The following TK2 variants were observed in gnomAD, a reference collection of about 807,000 sequenced individuals.
TK2 encodes the protein thymidine kinase 2, mitochondrial.
Under a neutral mutation model 41.9 loss-of-function variants are expected in TK2, and 35 were observed. The ratio of observed to expected loss-of-function variants is 0.84; its 90% confidence interval spans 0.64 to 1.11. The LOEUF is 1.11. Among genes scored for constraint, TK2 ranks in the 50% least tolerant of loss-of-function variants. TK2 has a pLI of 0.00. For missense variants in TK2, 320 were observed against 351.1 expected, an observed-to-expected ratio of 0.91 and a Z score of 0.71; for synonymous variants, 128 against 129.1, an observed-to-expected ratio of 0.99 and a Z score of 0.06.
chr16:66,548,215 T>A, intron 2 of TK2: 1 of 375,388 alleles, frequency 2.7e-6, no homozygotes, highest in East Asian at 7.4e-5. Flanking sequence ...CTCTATGTGG[T>A]TTCACTACTT....
At position 66,549,923 on chromosome 16, in the gene TK2, C is replaced by T. The variant is rs1965737050; in HGVS notation, c.124+15G>A. The T allele has an allele frequency of 1.7e-5, 23 of 1,352,544 alleles. No individual in the cohort carries two copies. The highest frequency in any genetic ancestry group is 2.1e-5 in the Non-Finnish European group (22 of 1,061,538). The allele number at this position is 1,352,544 out of a possible 1,614,324, so 83.8% of individuals were successfully genotyped here. On this transcript the variant is annotated intron_variant, in intron 1 of 9. Transcript: ENST00000544898. ...CATAGGGGCTCCTGGGAGGCGGGAC[C>T]AAGACGCGCGTTACCGGGAGGCCAG...
intron 3 of TK2, among the ~76,000 whole-genome samples, chr16:66,540,671 T>C (rs773650693): frequency 7.2e-5 from 11 of 152,222 alleles, no homozygotes; most frequent in Non-Finnish European, 1.3e-4. Flanking sequence ...TCTCTGAGGT[T>C]AGTTTTAGTG....
chr16:66,520,880 ACT>A (rs1489676712), intron 6 of TK2, among the ~76,000 whole-genome samples: 6 of 152,134 alleles, frequency 3.9e-5, no homozygotes, highest in Admixed American at 1.3e-4. Context: ...AACAAAATTG[ACT>A]CTAAGAAAAT....
intron 2 of TK2, chr16:66,548,038 G>T: frequency 9.7e-7 from 1 of 1,027,380 alleles, no homozygotes; most frequent in Non-Finnish European, 1.3e-6. Flanking sequence ...TTGGAGGCCA[G>T]CCTGGGCAAC....
chr16:66,524,934 T>G (rs1964886630), intron 6 of TK2: 1 of 152,352 alleles, frequency 6.6e-6, no homozygotes. Flanking sequence ...AGATGCCTCC[T>G]GCCACTTCCT....
At chr16:66,540,158 C>A (rs1052436525) in intron 3 of TK2, among the ~76,000 whole-genome samples, 1 of 147,198 alleles carries the variant, frequency 6.8e-6, no homozygotes, top group African/African-American at 2.5e-5. Flanking sequence ...TATTTCTTTT[C>A]TTTCTTTCTT....
rs1964522129 is a variant in TK2 at position 66,513,790 on chromosome 16, G to A, written c.640C>T (p.His214Tyr). The A allele has an allele frequency of 6.2e-7, 1 of 1,614,006 alleles. No homozygotes were observed. Among genetic ancestry groups the A allele is most frequent in the East Asian group, 2.2e-5 (1 of 44,874 alleles). The change falls in exon 9 of 10, where the codon CAT (histidine) becomes TAT (tyrosine). Residue 214 changes from histidine to tyrosine, a missense_variant. By Grantham distance (83) the His-to-Tyr change is moderately conservative. Transcript: ENST00000544898. ...IPLEYLEAIH[H>Y]LHEEWLIKGS... ...TTGATGAGCCACTCCTCATGGAGAT[G>A]GTGAATTGCTTCCAGGTATTCCTGC...
At position 66,550,094 on chromosome 16, in the gene TK2, CCTT is replaced by C; in HGVS notation, c.-36_-34del. 1 of 1,606,540 alleles carries C rather than the reference CCTT, an allele frequency of 6.2e-7. No homozygotes were observed. The highest frequency in any genetic ancestry group is 8.5e-7 in the Non-Finnish European group (1 of 1,177,640). ...CGAGCGGATCCAGAGGCCCGGGGTT[CCTT>C]CTTGTGCGAGTCGGCGCGGACGACT... On this transcript the variant is annotated 5_prime_UTR_variant, in exon 1 of 10. Coordinates refer to ENST00000544898, the MANE Select transcript of TK2 (RefSeq NM_004614.5).
chr16:66,512,038 C>G lies in TK2; in HGVS notation c.728G>C (p.Arg243Thr). The G allele has an allele frequency of 6.2e-7, 1 of 1,614,194 alleles. No homozygotes were observed. The highest frequency in any genetic ancestry group is 8.5e-7 in the Non-Finnish European group (1 of 1,180,042). ...ATTTTGTTCAAAGAGTTCTAACATC[C>G]TCTCCATGTGGTGGTCAGCCTCAAT... ...LVIEADHHME[R>T]MLELFEQNRD... Residue 243 changes from arginine to threonine, a missense_variant, in exon 10 of 10, where the codon AGG becomes ACG. Coordinates refer to ENST00000544898, the MANE Select transcript of TK2 (RefSeq NM_004614.5).
chr16:66,511,602 C>T lies in TK2; in HGVS notation c.*366G>A, dbSNP rs1387844220. On this transcript the variant is annotated 3_prime_UTR_variant, in exon 10 of 10. Transcript: ENST00000544898. Reference sequence around the variant, plus strand: ...CACCTGGGATATAAGACTCCTACCTCGGCCTCCTAATGAAGGCTGAGACGA... The same window carrying T: ...CACCTGGGATATAAGACTCCTACCTTGGCCTCCTAATGAAGGCTGAGACGA... 2.5e-5 allele frequency: 9 copies of T among 366,800 alleles called. No homozygotes were observed. Among genetic ancestry groups the T allele is most frequent in the South Asian group, 6.8e-5 (3 of 44,208 alleles). 22.7% of individuals were successfully genotyped at this position (366,800 alleles called of 1,614,324 possible). A position where few individuals can be genotyped will look rare whatever the true frequency, so the allele number is the denominator to read the frequency against.
chr16:66,544,277 TTA>T (rs1457978428), intron 2 of TK2, among the ~76,000 whole-genome samples: 1 of 152,148 alleles, frequency 6.6e-6, no homozygotes, highest in Non-Finnish European at 1.5e-5. Flanking sequence ...AAGGGAGTCT[TTA>T]CATTTCTTTT....
intron 3 of TK2, among the ~76,000 whole-genome samples, chr16:66,541,394 T>C (rs372824235): frequency 5.3e-5 from 8 of 152,230 alleles, no homozygotes; most frequent in African/African-American, 1.4e-4. Flanking sequence ...GCATATGTTA[T>C]GTGAAATAAA....
chr16:66,517,573 G>C lies in TK2; in HGVS notation c.538+216C>G, dbSNP rs1440466220. On this transcript the variant is annotated intron_variant, in intron 7 of 9. Coordinates refer to ENST00000544898, the MANE Select transcript of TK2 (RefSeq NM_004614.5). The surrounding 1 kb of genome is among the most constrained non-coding windows in gnomAD (Gnocchi z 4.3). ...TCTGAAAGTAGCTGAGCCAGGGAGG[G>C]AAGTTTAAAGAACAAAGGCCAGGGT... Among the ~76,000 whole-genome samples, 1 of 152,226 alleles carries C rather than the reference G, an allele frequency of 6.6e-6. No individual in the cohort carries two copies. The highest frequency in any genetic ancestry group is 1.9e-4 in the East Asian group (1 of 5,194).
chr16:66,549,436 G>C (rs1477103181), intron 1 of TK2: 1 of 1,073,956 alleles, frequency 9.3e-7, no homozygotes, highest in Non-Finnish European at 1.1e-6. Context: ...CGTCCCACAG[G>C]TGGTTCTGAG....
intron 2 of TK2, 89 bp downstream of exon 2, chr16:66,548,864 TTGTATTTTTGCTTTTTACTATGGAA>T (rs1316091362): frequency 2.1e-5 from 21 of 985,220 alleles, no homozygotes; most frequent in African/African-American, 4.9e-5. Flanking sequence ...GGAGATCCTC[TTGTATTTTTGCTTTTTACTATGGAA>T]TGTATTTTTG....
intron 6 of TK2, among the ~76,000 whole-genome samples, chr16:66,527,628 T>C (rs1391878450): frequency 1.3e-5 from 2 of 152,196 alleles, no homozygotes; most frequent in African/African-American, 4.8e-5. Context: ...AGACACATAC[T>C]AAGTTGAACC....
At chr16:66,547,307 C>T (rs1965638704) in intron 2 of TK2, among the ~76,000 whole-genome samples, 1 of 152,154 alleles carries the variant, frequency 6.6e-6, no homozygotes, top group South Asian at 2.1e-4. Flanking sequence ...CAGTCTCACC[C>T]AGTTAGGCCC....
Position 66,514,875 on chromosome 16 carries a change from C to T in TK2, c.619-1064G>A, listed in dbSNP as rs1317712901. On this transcript the variant is annotated intron_variant, in intron 8 of 9. Coordinates refer to ENST00000544898, the MANE Select transcript of TK2 (RefSeq NM_004614.5). This position sits in a 1 kb window ranked among gnomAD's most constrained non-coding sequence, Gnocchi z 4.2. ...TAGTCTATAACCTTACCCCCAACCC[C>T]GTGCTCTCTGAAACGTGTGCTGTGT... 2.6e-5 allele frequency among the ~76,000 whole-genome samples: 4 copies of T among 152,184 alleles called. No homozygotes were observed. Among genetic ancestry groups the T allele is most frequent in the Admixed American group, 6.5e-5 (1 of 15,278 alleles).
At chr16:66,522,300 G>T (rs938954669) in intron 6 of TK2, among the ~76,000 whole-genome samples, 3 of 152,308 alleles carry the variant, frequency 2.0e-5, no homozygotes, top group African/African-American at 7.2e-5. Context: ...GGGCCAATCA[G>T]CAGGGGAGGA....
Sources: allele counts gnomAD v4.1 joint callset (sites outside exome capture counted in the v4.1 genomes callset), GRCh38; gene constraint gnomAD v4.1.1; non-coding constraint Gnocchi (gnomAD v3.1); transcripts MANE v1.5; gene names NCBI Gene and HGNC (gene_info 2026-07-23, HGNC 2026-07-21).